The following RHCG variants were observed in gnomAD, a reference collection of about 807,000 sequenced individuals.
The protein encoded by RHCG is Rh family C glycoprotein.
In RHCG, 39 loss-of-function variants were observed where a neutral mutation model predicts 55.3. The ratio of observed to expected loss-of-function variants is 0.70; its 90% CI spans 0.55 to 0.92. The LOEUF (loss-of-function observed/expected upper bound fraction) is 0.92, where lower values mean the gene tolerates loss of function less well. RHCG is among the 40% of genes least tolerant of loss of function. The pLI is 0.00. For synonymous variants in RHCG, 250 were observed against 246.8 expected (o/e 1.01, Z -0.12); for missense variants, 635 against 627.9 (o/e 1.01, Z -0.12).
intron 1 of RHCG, among the ~76,000 whole-genome samples, chr15:89,491,830 TG>T (rs1161319780): frequency 6.6e-6 from 1 of 152,092 alleles, no homozygotes; most frequent in Non-Finnish European, 1.5e-5. Flanking sequence ...CCAAACCGTA[TG>T]GACCTTTAGC....
intron 4 of RHCG, chr15:89,479,802 C>G: frequency 2.4e-6 from 1 of 413,906 alleles, no homozygotes. Context: ...CCACATGGCA[C>G]TGCTTTCTCT....
At chr15:89,485,713 C>A (rs1231411531) in intron 2 of RHCG, among the ~76,000 whole-genome samples, 1 of 152,002 alleles carries the variant, frequency 6.6e-6, no homozygotes, top group South Asian at 2.1e-4. Context: ...TTTAGCTGAC[C>A]TTTTCATATG....
At chr15:89,490,572 T>A (rs1324272215) in intron 1 of RHCG, among the ~76,000 whole-genome samples, 1 of 152,214 alleles carries the variant, frequency 6.6e-6, no homozygotes, top group Admixed American at 6.5e-5. Flanking sequence ...ATTATGGTTA[T>A]TCTGGGAAGA....
intron 1 of RHCG, among the ~76,000 whole-genome samples, chr15:89,491,787 A>T (rs762125774): frequency 7.9e-5 from 12 of 152,102 alleles, no homozygotes; most frequent in Non-Finnish European, 1.5e-4. Flanking sequence ...AAATTAAAAA[A>T]AAAAAGATTT....
intron 9 of RHCG, among the ~76,000 whole-genome samples, chr15:89,475,852 C>A (rs1018959530): frequency 6.6e-6 from 1 of 152,168 alleles, no homozygotes; most frequent in African/African-American, 2.4e-5. Flanking sequence ...TGCATCTTAG[C>A]GCGAAAACCG....
At chr15:89,472,541 G>C (rs1430984591) in intron 10 of RHCG, among the ~76,000 whole-genome samples, 170 bp downstream of exon 10, 1 of 152,202 alleles carries the variant, frequency 6.6e-6, no homozygotes, top group Non-Finnish European at 1.5e-5. Flanking sequence ...CTGACTCTAA[G>C]AAGCTCCCCT....
intron 1 of RHCG, among the ~76,000 whole-genome samples, chr15:89,492,097 G>A (rs1366738091): frequency 1.3e-5 from 2 of 152,014 alleles, no homozygotes; most frequent in Admixed American, 1.3e-4. Context: ...TTGACCCTCA[G>A]TCTCCCTCCC....
intron 3 of RHCG, 103 bp from the exon 4 acceptor site, chr15:89,480,511 C>T (rs1299892830): frequency 7.1e-6 from 10 of 1,399,926 alleles, no homozygotes; most frequent in Middle Eastern, 5.1e-4. Flanking sequence ...CTCCAGCCTT[C>T]TCGGACTCTT....
rs369386537 is a variant in RHCG at position 89,477,977 on chromosome 15, G to A, written c.838-3C>T. The A allele has an allele frequency of 7.5e-6, 12 of 1,602,910 alleles. No individual in the cohort carries two copies. Among genetic ancestry groups the A allele is most frequent in the Non-Finnish European group, 1.0e-5 (12 of 1,172,834 alleles). Reference sequence around the variant, plus strand: ...AGCGTGGCATTCTGGATGTGCACCTGGGCAGGGCAGGCAGAGCAGGCAGGA... The same window carrying A: ...AGCGTGGCATTCTGGATGTGCACCTAGGCAGGGCAGGCAGAGCAGGCAGGA... On this transcript the variant is annotated splice_polypyrimidine_tract_variant and splice_region_variant and intron_variant, in intron 5 of 10. Transcript: ENST00000268122. This position sits in a 1 kb window ranked among gnomAD's most constrained non-coding sequence, Gnocchi z 4.5.
chr15:89,490,188 G>C (rs1961447787), intron 1 of RHCG, among the ~76,000 whole-genome samples: 1 of 152,220 alleles, frequency 6.6e-6, no homozygotes, highest in Admixed American at 6.5e-5. Context: ...AAGGCTGCAG[G>C]AGCAATGCTT....
At chr15:89,486,690 A>T in intron 2 of RHCG, 109 bp downstream of exon 2, 3 of 1,075,784 alleles carry the variant, frequency 2.8e-6, no homozygotes, top group Non-Finnish European at 4.0e-6. Flanking sequence ...GTTGCCCTCC[A>T]GCCTCAAGCC....
intron 3 of RHCG, among the ~76,000 whole-genome samples, chr15:89,481,200 A>G (rs1345523321): frequency 6.6e-6 from 1 of 152,214 alleles, no homozygotes; most frequent in Non-Finnish European, 1.5e-5. Flanking sequence ...CTGTAATCCC[A>G]GCACTTTGGG....
rs1237542086 is a variant in RHCG, at chr15:89,479,480, A to T, written c.679T>A (p.Phe227Ile). ...SDLFAMIGTL[F>I]LWMYWPSFNS... is the part of the protein sequence containing the mutation. ...AAGCTGGGCCAGTACATCCACAGGA[A>T]GAGGGTGCCTGGTCAGACCAGACAG... Residue 227 changes from phenylalanine to isoleucine, a missense_variant, in exon 5 of 11, where the codon TTC (phenylalanine) becomes ATC (isoleucine). Physicochemically the swap from Phe to Ile is conservative, Grantham distance 21. Transcript: ENST00000268122. 6.2e-7 allele frequency: 1 copy of T among 1,612,496 alleles called. No homozygotes were observed. The highest frequency in any genetic ancestry group is 1.7e-5 in the Admixed American group (1 of 59,846).
rs758998246 is a variant in RHCG at position 89,477,879 on chromosome 15, G to A, written c.933C>T (p.Phe311=). The A allele has an allele frequency of 1.3e-4, 211 of 1,613,952 alleles. No homozygotes were observed. The highest frequency in any genetic ancestry group is 1.7e-4 in the Non-Finnish European group (199 of 1,180,018). ...LMPYGALIIG[F]VCGIISTLGF... is the part of the protein sequence containing the mutation. ...CCAGGGTGGAGATGATGCCGCAGAC[G>A]AAGCCGATGATGAGGGCACCGTAAG... Residue 311 remains phenylalanine (F), a synonymous_variant, in exon 6 of 11, where the codon TTC becomes TTT. Coordinates refer to ENST00000268122, the MANE Select transcript of RHCG (RefSeq NM_016321.3). The surrounding 1 kb of genome is among the most constrained non-coding windows in gnomAD (Gnocchi z 4.5).
chr15:89,473,830 C>G (rs1961084053), intron 9 of RHCG, among the ~76,000 whole-genome samples: 2 of 152,108 alleles, frequency 1.3e-5, no homozygotes, highest in African/African-American at 4.8e-5. Flanking sequence ...CTGTACTGCT[C>G]AAGGTATATA....
intron 1 of RHCG, among the ~76,000 whole-genome samples, chr15:89,492,042 T>G (rs1961485436): frequency 1.3e-5 from 2 of 149,350 alleles, no homozygotes; most frequent in Non-Finnish European, 1.5e-5. Flanking sequence ...CTTTCAAGAC[T>G]GACAAGGTTG....
rs377408927 is a variant in RHCG at position 89,475,678 on chromosome 15, C to A, written c.1311+1077G>T. On this transcript the variant is annotated intron_variant, in intron 9 of 10. Transcript: ENST00000268122. ...GGTTCTCATGGAGACTGAAGCTGAG[C>A]ACTGCACTGTGATTCCTAACCCAGG... Among the ~76,000 whole-genome samples the A allele has an allele frequency of 3.3e-5, 5 of 152,262 alleles. No homozygotes were observed. In the East Asian group the frequency reaches 9.6e-4, roughly 29 times the overall value.
intron 2 of RHCG, 157 bp downstream of exon 2, chr15:89,486,642 G>GTGTGTGTTGTGTGTGTGTGTA (rs1332671318): frequency 2.1e-6 from 1 of 466,388 alleles, no homozygotes; most frequent in East Asian, 4.3e-5. Context: ...GTGTGTGTGT[G>GTGTGTGTTGTGTGTGTGTGTA]TATCTGTCTC....
chr15:89,487,885 C>G (rs1298325627), intron 1 of RHCG, among the ~76,000 whole-genome samples: 3 of 152,204 alleles, frequency 2.0e-5, no homozygotes, highest in African/African-American at 7.2e-5. Context: ...CTCCAACTCA[C>G]AATGTGGCCT....
Sources: gnomAD v4.1 joint callset for allele counts (sites outside exome capture counted in the v4.1 genomes callset) on GRCh38, gnomAD v4.1.1 for gene constraint, Gnocchi (gnomAD v3.1) non-coding constraint, MANE v1.5 for transcripts, NCBI Gene and HGNC (gene_info 2026-07-23, HGNC 2026-07-21) for gene names.